Variants in TRIO observed in about 807,000 individuals in gnomAD.
TRIO encodes trio Rho guanine nucleotide exchange factor.
Under a neutral mutation model 351.9 loss-of-function variants are expected in TRIO, and 58 were observed. The observed-to-expected ratio is 0.16, with a 90% CI of 0.13 to 0.21. The LOEUF is 0.21. Among genes scored for constraint, TRIO ranks in the 10% least tolerant of loss-of-function variants. The probability of loss-of-function intolerance (pLI) is 1.00; values close to 1 mark genes in which losing one functional copy is unlikely to be tolerated. For synonymous variants in TRIO, 1,758 were observed against 1,595.7 expected (o/e 1.10, Z -2.42); for missense variants, 3,201 against 4,027.8 (o/e 0.79, Z 5.56).
At chr5:14,390,363 G>A in intron 26 of TRIO, 63 bp downstream of exon 26, 1 of 1,482,834 alleles carries the variant, frequency 6.7e-7, no homozygotes, top group South Asian at 1.2e-5. Flanking sequence ...GAAGTTAGGA[G>A]GGATGGTCTT....
chr5:14,412,656 C>A (rs1749301840), intron 33 of TRIO, among the ~76,000 whole-genome samples: 1 of 152,200 alleles, frequency 6.6e-6, no homozygotes, highest in South Asian at 2.1e-4. Flanking sequence ...CTCTGAGTTT[C>A]CCAGGACCTC....
intron 28 of TRIO, among the ~76,000 whole-genome samples, chr5:14,394,484 T>C (rs1579523802): frequency 6.6e-6 from 1 of 152,280 alleles, no homozygotes; most frequent in East Asian, 1.9e-4. Context: ...ACAATGCTAG[T>C]CTGCAGGCAT....
At chr5:14,178,698 T>G (rs1173649874) in intron 1 of TRIO, among the ~76,000 whole-genome samples, 9 of 152,178 alleles carry the variant, frequency 5.9e-5, no homozygotes, top group African/African-American at 1.7e-4. Flanking sequence ...AAGATATTTA[T>G]GACTCCCACT....
chr5:14,496,813 G>T, intron 49 of TRIO, 66 bp from the exon 50 acceptor site: 1 of 1,576,964 alleles, frequency 6.3e-7, no homozygotes, highest in Admixed American at 1.8e-5. Context: ...TTTCTTTAAC[G>T]CTTCCAGGCA....
At chr5:14,366,574 G>A (rs1054788358) in intron 15 of TRIO, among the ~76,000 whole-genome samples, 2 of 152,172 alleles carry the variant, frequency 1.3e-5, no homozygotes, top group Non-Finnish European at 2.9e-5. Context: ...CCCATAATCT[G>A]TTTTGACTTG....
Position 14,487,556 on chromosome 5 carries a change from G to A in TRIO, c.6928G>A (p.Gly2310Ser), listed in dbSNP as rs1756036849. 1.8e-6 allele frequency: 2 copies of A among 1,092,432 alleles called. No individual in the cohort carries two copies. The highest frequency in any genetic ancestry group is 2.2e-6 in the Non-Finnish European group (2 of 890,626). The allele number at this position is 1,092,432 out of a possible 1,614,324, so 67.7% of individuals were successfully genotyped here. ...GGSGGGGGSG[G>S]GGAPSGGSGH... The stretch of plus-strand genomic sequence containing the variant: ...CAGCGGCGGGGGTGGGGGCAGCGGC[G>A]GCGGCGGGGCCCCCAGTGGCGGCAG... Residue 2310 changes from glycine to serine, a missense_variant, in exon 48 of 57, where the codon GGC (glycine) becomes AGC (serine). Gly to Ser is a moderately conservative substitution (Grantham distance 56). Transcript: ENST00000344204.
At chr5:14,430,216 CA>C (rs139833933) in intron 34 of TRIO, among the ~76,000 whole-genome samples, 7,379 of 118,484 alleles carry the variant, frequency 0.062, 536 homozygotes, top group African/African-American at 0.21. Context: ...ACCCAAATAG[CA>C]AAAAAAAAAA....
intron 1 of TRIO, among the ~76,000 whole-genome samples, chr5:14,255,239 C>G (rs1794963572): frequency 6.6e-6 from 1 of 152,196 alleles, no homozygotes; most frequent in Non-Finnish European, 1.5e-5. Context: ...AATTCATAAA[C>G]TTGGGAAAGT....
intron 37 of TRIO, among the ~76,000 whole-genome samples, chr5:14,470,504 T>A (rs1754605263): frequency 6.6e-6 from 1 of 152,252 alleles, no homozygotes; most frequent in Non-Finnish European, 1.5e-5. Context: ...ACAACGAGAT[T>A]AATATTTACC....
intron 41 of TRIO, among the ~76,000 whole-genome samples, chr5:14,478,786 CAA>C (rs1187243670): frequency 2.0e-4 from 19 of 94,950 alleles, no homozygotes; most frequent in East Asian, 3.2e-4. Context: ...TCCATCCCTA[CAA>C]AAAAAAAAAA....
At chr5:14,236,532 G>C (rs1002612006) in intron 1 of TRIO, among the ~76,000 whole-genome samples, 2 of 152,060 alleles carry the variant, frequency 1.3e-5, no homozygotes, top group African/African-American at 4.8e-5. Flanking sequence ...AGTTACTATT[G>C]TATATACCAA....
At chr5:14,456,470 T>C (rs1579708825) in intron 34 of TRIO, among the ~76,000 whole-genome samples, 1 of 152,258 alleles carries the variant, frequency 6.6e-6, no homozygotes, top group Non-Finnish European at 1.5e-5. Flanking sequence ...AGGGCTCGCC[T>C]TCAGAGGGCT....
At chr5:14,153,097 G>T (rs1005552967) in intron 1 of TRIO, among the ~76,000 whole-genome samples, 1 of 152,202 alleles carries the variant, frequency 6.6e-6, no homozygotes, top group Non-Finnish European at 1.5e-5. Flanking sequence ...CTGAACCAAA[G>T]AGCTGGAAGC....
chr5:14,271,845 A>T, intron 2 of TRIO, among the ~76,000 whole-genome samples: 1 of 152,162 alleles, frequency 6.6e-6, no homozygotes, highest in East Asian at 1.9e-4. Context: ...TGGACATGTG[A>T]TACTGCTATA....
In TRIO at chr5:14,170,478, A is replaced by G. The variant is rs115269250; in HGVS notation, c.157+26596A>G. Among the ~76,000 whole-genome samples the G allele has an allele frequency of 6.1e-3, 928 of 151,016 alleles. 7 individuals carry two copies. The highest frequency in any genetic ancestry group is 0.021 in the African/African-American group (871 of 41,096). ...ATTGGCTGAGAACCTGCTATGTGCT[A>G]AACAGTCACTAAAAGTGAAGCTTCT... On this transcript the variant is annotated intron_variant, in intron 1 of 56. Coordinates refer to ENST00000344204, the MANE Select transcript of TRIO (RefSeq NM_007118.4).
chr5:14,498,281 G>C, intron 52 of TRIO, 30 bp downstream of exon 52: 1 of 1,605,340 alleles, frequency 6.2e-7, no homozygotes, highest in Non-Finnish European at 8.5e-7. Flanking sequence ...GGTGGGTTTC[G>C]CTGGCTGGGA....
chr5:14,425,405 A>AAG (rs1296159288), intron 34 of TRIO, among the ~76,000 whole-genome samples: 1 of 152,194 alleles, frequency 6.6e-6, no homozygotes, highest in East Asian at 1.9e-4. Context: ...TTTAAGGCTG[A>AAG]ATAGCATCCC....
intron 7 of TRIO, among the ~76,000 whole-genome samples, chr5:14,298,038 T>G (rs1458352095): frequency 6.6e-6 from 1 of 152,200 alleles, no homozygotes; most frequent in Non-Finnish European, 1.5e-5. Context: ...GATCTGGTGT[T>G]TAGCCTCCTT....
chr5:14,298,809 T>C (rs1737602818), intron 7 of TRIO, among the ~76,000 whole-genome samples: 1 of 152,228 alleles, frequency 6.6e-6, no homozygotes, highest in African/African-American at 2.4e-5. Context: ...TTTGACTAAT[T>C]TTGTGATAAA....
Sources: allele counts gnomAD v4.1 joint callset (sites outside exome capture counted in the v4.1 genomes callset), GRCh38; gene constraint gnomAD v4.1.1; transcripts MANE v1.5; gene names NCBI Gene and HGNC (gene_info 2026-07-23, HGNC 2026-07-21).